Variants in WDR25 observed in about 807,000 individuals in gnomAD.
The protein encoded by WDR25 is WD repeat-containing protein 25.
Under a neutral mutation model 47.7 loss-of-function variants are expected in WDR25, and 35 were observed. The observed-to-expected ratio is 0.73, with a 90% CI of 0.56 to 0.97. WDR25 has a LOEUF of 0.97. Among genes scored for constraint, WDR25 ranks in the 50% least tolerant of loss-of-function variants. WDR25 has a pLI of 0.00. For missense variants in WDR25, 634 were observed against 704.7 expected, an observed-to-expected ratio of 0.90 and a Z score of 1.14; for synonymous variants, 248 against 278.9, an observed-to-expected ratio of 0.89 and a Z score of 1.10.
rs559590297 is a variant in WDR25 at position 100,521,179 on chromosome 14, GAC to G, written c.1102-4667_1102-4666del. Among the ~76,000 whole-genome samples the G allele has an allele frequency of 2.6e-3, 382 of 147,816 alleles. 1 individual carries two copies. Among genetic ancestry groups the G allele is most frequent in the Non-Finnish European group, 3.0e-3 (198 of 66,292 alleles). On this transcript the variant is annotated intron_variant, in intron 4 of 6. Transcript: ENST00000402312. Reference sequence around the variant, plus strand: ...CAACAAACACACAGACACACACATAGACACACACACACACACACACACACAGA... The same window carrying G: ...CAACAAACACACAGACACACACATAGACACACACACACACACACACACAGA...
rs957420579 is a variant in WDR25 at position 100,525,054 on chromosome 14, G to T, written c.1102-816G>T. ...GGCCCAGGAACTGGTAAAGGGACCGGCCGGCCCCTGCGACCAACTTGAGAC... is the reference window on the plus strand; with the variant it reads ...GGCCCAGGAACTGGTAAAGGGACCGTCCGGCCCCTGCGACCAACTTGAGAC... On this transcript the variant is annotated intron_variant, in intron 4 of 6. Coordinates refer to ENST00000402312, the MANE Select transcript of WDR25 (RefSeq NM_001161476.3). The surrounding 1 kb of genome is among the most constrained non-coding windows in gnomAD (Gnocchi z 4.6). 5.9e-5 allele frequency among the ~76,000 whole-genome samples: 9 copies of T among 152,200 alleles called. No individual in the cohort carries two copies. Among genetic ancestry groups the T allele is most frequent in the African/African-American group, 2.2e-4 (9 of 41,426 alleles).
rs1423862810 is a variant in WDR25 at position 100,502,675 on chromosome 14, G to C, written c.1101+18551G>C. 3.9e-5 allele frequency among the ~76,000 whole-genome samples: 6 copies of C among 152,234 alleles called. No individual in the cohort carries two copies. On this transcript the variant is annotated intron_variant, in intron 4 of 6. Transcript: ENST00000402312. The surrounding 1 kb of genome is among the most constrained non-coding windows in gnomAD (Gnocchi z 4.5). ...CATGAGGTCCCTCCCTGCATGGCGA[G>C]GGGAGGAGTCAGTCTCCACAGAGTA... is the stretch of plus-strand genomic sequence containing the variant.
chr14:100,430,755 C>T lies in WDR25; in HGVS notation c.823-37266C>T, dbSNP rs773199948. ...GATGCAGGAAGCCCATGCTGACGTG[C>T]GGAGTGGGCCTGCACAGATGAGGCT... On this transcript the variant is annotated intron_variant, in intron 2 of 6. Coordinates refer to ENST00000402312, the MANE Select transcript of WDR25 (RefSeq NM_001161476.3). This position sits in a 1 kb window ranked among gnomAD's most constrained non-coding sequence, Gnocchi z 4.7. Among the ~76,000 whole-genome samples, 4 of 152,128 alleles carry T rather than the reference C, an allele frequency of 2.6e-5. No homozygotes were observed. Among genetic ancestry groups the T allele is most frequent in the Non-Finnish European group, 4.4e-5 (3 of 68,028 alleles).
intron 2 of WDR25, among the ~76,000 whole-genome samples, chr14:100,460,364 G>T (rs898292538): frequency 6.6e-6 from 1 of 151,916 alleles, no homozygotes; most frequent in Non-Finnish European, 1.5e-5. Context: ...CGCCTGCCTC[G>T]GCCTCCCAAA....
At chr14:100,469,676 A>T (rs929471849) in intron 3 of WDR25, among the ~76,000 whole-genome samples, 4 of 152,186 alleles carry the variant, frequency 2.6e-5, no homozygotes, top group African/African-American at 9.7e-5. Context: ...GATGGTGATG[A>T]CTGGGCTGAT....
rs535906615 is a variant in WDR25, at chr14:100,500,491, A to G, written c.1101+16367A>G. Among the ~76,000 whole-genome samples the G allele has an allele frequency of 6.6e-6, 1 of 152,322 alleles. No individual in the cohort carries two copies. The highest frequency in any genetic ancestry group is 1.9e-4 in the East Asian group (1 of 5,182). On this transcript the variant is annotated intron_variant, in intron 4 of 6. Transcript: ENST00000402312. The surrounding 1 kb of genome is among the most constrained non-coding windows in gnomAD (Gnocchi z 4.7). ...TGGCCCAGCCCAAGGCCAGTGCACC[A>G]CAAAGTGGCCTTTTTTGGTCCCTGT...
rs1006621761 is a variant in WDR25 at position 100,500,413 on chromosome 14, A to T, written c.1101+16289A>T. On this transcript the variant is annotated intron_variant, in intron 4 of 6. Transcript: ENST00000402312. This position sits in a 1 kb window ranked among gnomAD's most constrained non-coding sequence, Gnocchi z 4.7. ...TGGCTCTGGCTGTGGAGGGTGGAGA[A>T]GGAGGGGTGGGGATGGTCAGATGGA... Among the ~76,000 whole-genome samples, 1 of 152,004 alleles carries T rather than the reference A, an allele frequency of 6.6e-6. No homozygotes were observed. Among genetic ancestry groups the T allele is most frequent in the Non-Finnish European group, 1.5e-5 (1 of 67,986 alleles).
At position 100,380,990 on chromosome 14, in the gene WDR25, TGAGACA is replaced by T; in HGVS notation, c.70_75del (p.Thr24_Glu25del). 6.2e-7 allele frequency: 1 copy of T among 1,614,226 alleles called. No homozygotes were observed. The highest frequency in any genetic ancestry group is 8.5e-7 in the Non-Finnish European group (1 of 1,180,034). ...CGTATGATGATTCGGACTCGGAGGC[TGAGACA>T]GAGCATGCAGGAAGTTTTAATGCTA... On this transcript the variant is annotated inframe_deletion, in exon 2 of 7. Transcript: ENST00000402312.
At chr14:100,450,060 C>T (rs1481025474) in intron 2 of WDR25, among the ~76,000 whole-genome samples, 2 of 152,240 alleles carry the variant, frequency 1.3e-5, no homozygotes, top group African/African-American at 4.8e-5. Flanking sequence ...TTATTCTGGC[C>T]TTTCCTATAG....
intron 2 of WDR25, among the ~76,000 whole-genome samples, chr14:100,447,897 CT>C (rs1356982714): frequency 6.6e-6 from 1 of 151,934 alleles, no homozygotes; most frequent in Non-Finnish European, 1.5e-5. Flanking sequence ...AGTAACTGCA[CT>C]TTAAAAAAAA....
chr14:100,474,027 C>G (rs1468243027), intron 3 of WDR25, among the ~76,000 whole-genome samples: 1 of 152,210 alleles, frequency 6.6e-6, no homozygotes, highest in Non-Finnish European at 1.5e-5. Flanking sequence ...AGTGAAGGCT[C>G]AGAGGGGCTC....
intron 2 of WDR25, among the ~76,000 whole-genome samples, chr14:100,437,475 C>G (rs1327458485): frequency 3.3e-5 from 5 of 152,154 alleles, no homozygotes; most frequent in African/African-American, 1.2e-4. Context: ...TTAGCTTTGG[C>G]ACTTACTAGC....
rs1025698975 is a variant in WDR25 at position 100,517,166 on chromosome 14, A to C, written c.1102-8704A>C. On this transcript the variant is annotated intron_variant, in intron 4 of 6. Transcript: ENST00000402312. ...AGTCTCGCTCTGTCGCCCAGGCTGG[A>C]GTGCAGTGGCACAATCTCGGCTCAC... 9.1e-5 allele frequency among the ~76,000 whole-genome samples: 11 copies of C among 121,166 alleles called. No individual in the cohort carries two copies. The East Asian group carries it at 2.3e-3, about 26-fold the overall frequency. 79.5% of individuals were successfully genotyped at this position (121,166 alleles called of 152,430 possible). A position where few individuals can be genotyped will look rare whatever the true frequency, so the allele number is the denominator to read the frequency against.
chr14:100,452,204 C>G (rs1250510788), intron 2 of WDR25, among the ~76,000 whole-genome samples: 1 of 152,142 alleles, frequency 6.6e-6, no homozygotes, highest in Non-Finnish European at 1.5e-5. Context: ...TCCATCCATC[C>G]ATCCATCCAT....
At chr14:100,377,786 AGGTTGGGT>A (rs1306160618) in intron 1 of WDR25, among the ~76,000 whole-genome samples, 9 of 152,074 alleles carry the variant, frequency 5.9e-5, no homozygotes, top group Non-Finnish European at 1.3e-4. Flanking sequence ...GGTGTGGAAG[AGGTTGGGT>A]GGTTGATTCC....
chr14:100,412,454 G>A (rs1418094869), intron 2 of WDR25, among the ~76,000 whole-genome samples: 3 of 152,134 alleles, frequency 2.0e-5, no homozygotes, highest in Non-Finnish European at 4.4e-5. Flanking sequence ...TCTAGGGAGA[G>A]GTGCATTTAG....
At chr14:100,397,053 G>A (rs1897274980) in intron 2 of WDR25, among the ~76,000 whole-genome samples, 1 of 152,236 alleles carries the variant, frequency 6.6e-6, no homozygotes, top group Non-Finnish European at 1.5e-5. Context: ...GCAAGGTGGG[G>A]TCTCCCCTCA....
chr14:100,385,256 T>G (rs916102036), intron 2 of WDR25, among the ~76,000 whole-genome samples: 1 of 152,176 alleles, frequency 6.6e-6, no homozygotes, highest in African/African-American at 2.4e-5. Context: ...TAAAACAAAT[T>G]TTTTGGATTT....
rs533975348 is a variant in WDR25 at position 100,408,198 on chromosome 14, C to T, written c.822+26452C>T. On this transcript the variant is annotated intron_variant, in intron 2 of 6. Coordinates refer to ENST00000402312, the MANE Select transcript of WDR25 (RefSeq NM_001161476.3). ...GAGAAAAACCCTAAGGAGACCTCATCGGACGTTCCTGTGATAATCTAGGCC... is the reference window on the plus strand; with the variant it reads ...GAGAAAAACCCTAAGGAGACCTCATTGGACGTTCCTGTGATAATCTAGGCC... Among the ~76,000 whole-genome samples, 13 of 152,176 alleles carry T rather than the reference C, an allele frequency of 8.5e-5. 1 individual carries two copies. The highest frequency in any genetic ancestry group is 3.9e-4 in the East Asian group (2 of 5,186).
Sources: allele counts gnomAD v4.1 joint callset (sites outside exome capture counted in the v4.1 genomes callset), GRCh38; gene constraint gnomAD v4.1.1; non-coding constraint Gnocchi (gnomAD v3.1); transcripts MANE v1.5; gene names NCBI Gene and HGNC (gene_info 2026-07-23, HGNC 2026-07-21).